PHEX: variants seen among roughly 807,000 people sequenced by gnomAD.
PHEX encodes the protein phosphate-regulating neutral endopeptidase PHEX.
A neutral mutation model predicts 68.0 loss-of-function variants in PHEX; 16 were observed. That is an observed-to-expected ratio of 0.24 (90% CI 0.16 to 0.36). The LOEUF (loss-of-function observed/expected upper bound fraction) is 0.36. Ranked by LOEUF, PHEX falls within the 10% of genes least tolerant of loss-of-function variation. The pLI, the probability that PHEX is intolerant of heterozygous loss-of-function variation, is 1.00. For synonymous variants in PHEX, 208 were observed against 205.1 expected, an observed-to-expected ratio of 1.01 and a Z score of -0.12; for missense variants, 480 against 575.5, an observed-to-expected ratio of 0.83 and a Z score of 1.70.
chrX:22,055,174 CAAAAAAAAAAAAAAAAA>C (rs111628195), intron 3 of PHEX, among the ~76,000 whole-genome samples: 13 of 66,102 alleles, frequency 2.0e-4, no homozygotes, highest in Admixed American at 4.4e-4. Flanking sequence ...GACTCCAGCT[CAAAAAAAAAAAAAAAAA>C]AAAAAAAAAA....
intron 2 of PHEX, among the ~76,000 whole-genome samples, chrX:22,042,826 A>AG (rs1313309764): frequency 8.9e-6 from 1 of 111,835 alleles, no homozygotes; most frequent in Non-Finnish European, 1.9e-5. Context: ...AAAAAAAAAA[A>AG]TTAGAAAAAG....
At chrX:22,044,563 A>AG (rs1927425675) in intron 2 of PHEX, among the ~76,000 whole-genome samples, 1 of 109,183 alleles carries the variant, frequency 9.2e-6, no homozygotes, top group Non-Finnish European at 1.9e-5. Flanking sequence ...ACAAAAAAAA[A>AG]TTAGCCGGGC....
chrX:22,118,339 CAAAA>C (rs1157170753), intron 11 of PHEX, among the ~76,000 whole-genome samples: 3 of 21,117 alleles, frequency 1.4e-4, no homozygotes, highest in Admixed American at 6.9e-4. Context: ...TAAACAGCAC[CAAAA>C]AAAAAAAAAA....
chrX:22,236,186 C>T (rs1935973052), intron 20 of PHEX, among the ~76,000 whole-genome samples: 1 of 112,074 alleles, frequency 8.9e-6, no homozygotes, highest in African/African-American at 3.2e-5. Flanking sequence ...AAGCTTCATC[C>T]TTCAGGATCC....
chrX:22,092,821 C>G (rs1238887131), intron 6 of PHEX, among the ~76,000 whole-genome samples: 1 of 95,784 alleles, frequency 1.0e-5, no homozygotes, highest in Non-Finnish European at 2.0e-5. Flanking sequence ...ATAATCTCGG[C>G]TCACTGCAAC....
intron 12 of PHEX, among the ~76,000 whole-genome samples, chrX:22,166,540 A>G (rs1933327070): frequency 9.0e-6 from 1 of 110,917 alleles, no homozygotes; most frequent in Admixed American, 9.7e-5. Flanking sequence ...ATATATATAT[A>G]TATGATGTAC....
intron 3 of PHEX, among the ~76,000 whole-genome samples, chrX:22,057,903 C>T (rs745987345): frequency 8.9e-6 from 1 of 111,900 alleles, no homozygotes; most frequent in Non-Finnish European, 1.9e-5. Flanking sequence ...GGGCAGCTGA[C>T]TGGGTAGGGA....
intron 13 of PHEX, among the ~76,000 whole-genome samples, chrX:22,170,124 G>T: frequency 8.9e-6 from 1 of 112,205 alleles, no homozygotes; most frequent in South Asian, 3.7e-4. Context: ...AAAGCAAAAA[G>T]CACAGTAGGT....
At chrX:22,188,024 G>A (rs1363506804) in intron 14 of PHEX, among the ~76,000 whole-genome samples, 2 of 111,718 alleles carry the variant, frequency 1.8e-5, no homozygotes, top group Non-Finnish European at 3.8e-5. Flanking sequence ...TTAGGACATA[G>A]TAAGTGCTCA....
At chrX:22,131,800 GT>G (rs971406578) in intron 11 of PHEX, among the ~76,000 whole-genome samples, 6 of 109,106 alleles carry the variant, frequency 5.5e-5, no homozygotes, top group South Asian at 3.8e-4. Flanking sequence ...CAAACCCAGT[GT>G]TTTTTTTTTC....
chrX:22,167,839 G>A (rs1384018730), intron 12 of PHEX, among the ~76,000 whole-genome samples: 2 of 110,822 alleles, frequency 1.8e-5, no homozygotes, highest in Non-Finnish European at 3.8e-5. Flanking sequence ...TCTTGATATT[G>A]AGTTGAGTTT....
At chrX:22,239,933 A>T (rs1017556160) in intron 20 of PHEX, among the ~76,000 whole-genome samples, 8 of 111,515 alleles carry the variant, frequency 7.2e-5, no homozygotes, top group Non-Finnish European at 3.8e-5. Context: ...CAAGACATAT[A>T]ATCATCAGAT....
At position 22,183,166 on chromosome X, in the gene PHEX, T is replaced by C. The variant is rs191087654; in HGVS notation, c.1586+4790T>C. 9.9e-5 allele frequency among the ~76,000 whole-genome samples: 11 copies of C among 111,085 alleles called. No individual in the cohort carries two copies. The East Asian group carries it at 3.1e-3, about 32-fold the overall frequency. Reference sequence around the variant, plus strand: ...GGCTGTTTTTATGCTGCCTAGTCTTTTGCTACTCTCCCTTTCAAGTCCCTG... The same window carrying C: ...GGCTGTTTTTATGCTGCCTAGTCTTCTGCTACTCTCCCTTTCAAGTCCCTG... On this transcript the variant is annotated intron_variant, in intron 14 of 21. Coordinates refer to ENST00000379374, the MANE Select transcript of PHEX (RefSeq NM_000444.6).
At chrX:22,073,764 C>T (rs1248307588) in intron 3 of PHEX, among the ~76,000 whole-genome samples, 2 of 106,771 alleles carry the variant, frequency 1.9e-5, no homozygotes, top group Non-Finnish European at 3.9e-5. Context: ...CTCAGCCTCC[C>T]GAGTAGCTGG....
chrX:22,218,908 G>C, intron 16 of PHEX, 128 bp from the exon 17 acceptor site: 1 of 507,389 alleles, frequency 2.0e-6, no homozygotes, highest in Admixed American at 2.7e-5. Flanking sequence ...TATGGGTATG[G>C]TTATTCGATT....
chrX:22,112,478 C>A (rs1569396731), intron 10 of PHEX, among the ~76,000 whole-genome samples: 1 of 112,037 alleles, frequency 8.9e-6, no homozygotes, highest in Non-Finnish European at 1.9e-5. Flanking sequence ...ATCTTATAAG[C>A]TATGATTTCA....
intron 2 of PHEX, among the ~76,000 whole-genome samples, chrX:22,041,259 C>CTATATATA (rs1569367413): frequency 1.5e-5 from 1 of 65,735 alleles, no homozygotes; most frequent in African/African-American, 7.1e-5. Flanking sequence ...CTCTCTCTCT[C>CTATATATA]TCTCTCTATA....
At chrX:22,145,028 C>G (rs1932626979) in intron 12 of PHEX, among the ~76,000 whole-genome samples, 1 of 111,833 alleles carries the variant, frequency 8.9e-6, no homozygotes, top group Non-Finnish European at 1.9e-5. Flanking sequence ...GTTCAATTTT[C>G]TTTGGATAAG....
chrX:22,110,376 G>A (rs886378686), intron 9 of PHEX, among the ~76,000 whole-genome samples: 2 of 112,134 alleles, frequency 1.8e-5, no homozygotes, highest in Non-Finnish European at 3.8e-5. Flanking sequence ...ACAAATAAAA[G>A]CAAGTAAGAT....
Sources: gnomAD v4.1 joint callset for allele counts (sites outside exome capture counted in the v4.1 genomes callset) on GRCh38, gnomAD v4.1.1 for gene constraint, MANE v1.5 for transcripts, NCBI Gene and HGNC (gene_info 2026-07-23, HGNC 2026-07-21) for gene names.